Variants in NCOA1 observed in about 807,000 individuals in gnomAD.
NCOA1 encodes the protein nuclear receptor coactivator 1.
NCOA1 carries 35 observed loss-of-function variants against 150.9 expected under a neutral mutation model. That is an observed-to-expected ratio of 0.23 (90% CI 0.18 to 0.31). The LOEUF is 0.31. Ranked by LOEUF, NCOA1 falls within the 10% of genes least tolerant of loss-of-function variation. The pLI, the probability that NCOA1 is intolerant of heterozygous loss-of-function variation, is 1.00. For missense variants in NCOA1, 1,491 were observed against 1,749.3 expected (o/e 0.85, Z 2.63); for synonymous variants, 590 against 630.0 (o/e 0.94, Z 0.95).
intron 1 of NCOA1, among the ~76,000 whole-genome samples, chr2:24,508,305 TAG>T (rs1253365580): frequency 1.3e-5 from 2 of 152,272 alleles, no homozygotes; most frequent in African/African-American, 4.8e-5. Context: ...TGTGAACCTA[TAG>T]TCTTAAGAAT....
intron 3 of NCOA1, among the ~76,000 whole-genome samples, chr2:24,603,470 A>G (rs530787573): frequency 2.0e-5 from 3 of 152,340 alleles, no homozygotes; most frequent in South Asian, 4.1e-4. Context: ...TCTTCTTTCA[A>G]AATTGGAGTT....
intron 19 of NCOA1, among the ~76,000 whole-genome samples, chr2:24,747,327 C>CTTTTTTTTTTTTTTTTTTTTTTTAT (rs148901218): frequency 8.3e-6 from 1 of 120,170 alleles, no homozygotes; most frequent in Non-Finnish European, 1.7e-5. Flanking sequence ...TTATTTTTCT[C>CTTTTTTTTTTTTTTTTTTTTTTTAT]TTTTTTTTTT....
At chr2:24,662,785 A>AT (rs746278666) in intron 5 of NCOA1, among the ~76,000 whole-genome samples, 4,655 of 142,710 alleles carry the variant, frequency 0.033, 80 homozygotes, top group African/African-American at 0.053. Flanking sequence ...GGGCCTGTGC[A>AT]TTTTTTTTTT....
chr2:24,676,390 A>G (rs1221161910), intron 7 of NCOA1: 1 of 152,290 alleles, frequency 6.6e-6, no homozygotes, highest in Non-Finnish European at 1.5e-5. Flanking sequence ...GATGACACAT[A>G]AATTTGTGAA....
chr2:24,699,555 C>CT (rs1243412713), intron 11 of NCOA1, among the ~76,000 whole-genome samples: 1 of 151,984 alleles, frequency 6.6e-6, no homozygotes, highest in Admixed American at 6.6e-5. Context: ...CCTCATTCTA[C>CT]TTTTTTTAGG....
At chr2:24,593,804 C>A (rs1310374496) in intron 3 of NCOA1, among the ~76,000 whole-genome samples, 1 of 152,118 alleles carries the variant, frequency 6.6e-6, no homozygotes, top group Non-Finnish European at 1.5e-5. Context: ...ATGAAGTCTG[C>A]CCTATAAGGC....
At position 24,738,624 on chromosome 2, in the gene NCOA1, A is replaced by G. The variant is rs148841708; in HGVS notation, c.3202-808A>G. Among the ~76,000 whole-genome samples, 3 of 152,316 alleles carry G rather than the reference A, an allele frequency of 2.0e-5. No homozygotes were observed. In the East Asian group the frequency reaches 5.8e-4, roughly 29 times the overall value. On this transcript the variant is annotated intron_variant, in intron 17 of 22. Transcript: ENST00000348332. ...TCATGATAAATAAATTGCATAGTAT[A>G]TCCCTTCTTGGCGATCCACAATGTG...
At chr2:24,497,533 G>A (rs914124243) in intron 1 of NCOA1, among the ~76,000 whole-genome samples, 104 of 152,292 alleles carry the variant, frequency 6.8e-4, no homozygotes, top group African/African-American at 2.3e-3. Flanking sequence ...ATAGCCGGGT[G>A]TGGTGGCGCA....
chr2:24,656,559 A>G (rs1232857080), intron 4 of NCOA1, among the ~76,000 whole-genome samples: 1 of 152,194 alleles, frequency 6.6e-6, no homozygotes, highest in African/African-American at 2.4e-5. Context: ...GAACACTAGA[A>G]CTAATTTCTC....
chr2:24,542,047 T>A (rs1572399875), intron 1 of NCOA1, among the ~76,000 whole-genome samples: 1 of 152,120 alleles, frequency 6.6e-6, no homozygotes, highest in East Asian at 1.9e-4. Flanking sequence ...GAAATAATAC[T>A]AGTGAGTTAA....
At chr2:24,595,246 A>G (rs56322289) in intron 3 of NCOA1, among the ~76,000 whole-genome samples, 6,921 of 152,140 alleles carry the variant, frequency 0.045, 251 homozygotes, top group East Asian at 0.19. Flanking sequence ...TTAAAAATCA[A>G]AAGAATCAGG....
intron 1 of NCOA1, among the ~76,000 whole-genome samples, chr2:24,559,988 A>G (rs1483708227): frequency 6.6e-6 from 1 of 152,092 alleles, no homozygotes; most frequent in African/African-American, 2.4e-5. Flanking sequence ...GTGTTGGAGA[A>G]CAGTTGGGGA....
chr2:24,672,197 A>T (rs573606425), intron 6 of NCOA1, among the ~76,000 whole-genome samples: 6 of 152,282 alleles, frequency 3.9e-5, no homozygotes, highest in African/African-American at 1.4e-4. Context: ...GCTTAAAATG[A>T]TTATGGCAAC....
In NCOA1 at chr2:24,535,488, C is replaced by T. The variant is rs187442545; in HGVS notation, c.-395-28807C>T. Among the ~76,000 whole-genome samples, 4 of 152,290 alleles carry T rather than the reference C, an allele frequency of 2.6e-5. No individual in the cohort carries two copies. In the East Asian group the frequency reaches 7.7e-4, roughly 29 times the overall value. The stretch of plus-strand genomic sequence containing the variant: ...TTATTATGTGTGAATTTGATCCTGT[C>T]ATTATGATGTTAGCTGGTTATTTTG... On this transcript the variant is annotated intron_variant, in intron 1 of 22. Coordinates refer to ENST00000348332, the MANE Select transcript of NCOA1 (RefSeq NM_003743.5).
At chr2:24,624,104 C>T (rs1669295622) in intron 3 of NCOA1, among the ~76,000 whole-genome samples, 1 of 152,128 alleles carries the variant, frequency 6.6e-6, no homozygotes, top group Admixed American at 6.5e-5. Flanking sequence ...GGTGCCTTCT[C>T]ATAAACCGAG....
Position 24,690,651 on chromosome 2 carries a change from C to CAAAAAAAAA in NCOA1, c.533-811_533-803dup, listed in dbSNP as rs70947837. 7.0e-4 allele frequency among the ~76,000 whole-genome samples: 27 copies of CAAAAAAAAA among 38,440 alleles called. 2 individuals are homozygous for CAAAAAAAAA. The South Asian group carries it at 0.014, about 20-fold the overall frequency. The allele number at this position is 38,440 out of a possible 152,430, so 25.2% of individuals were successfully genotyped here. On this transcript the variant is annotated intron_variant, in intron 8 of 22. Coordinates refer to ENST00000348332, the MANE Select transcript of NCOA1 (RefSeq NM_003743.5). ...TGGGTGACAAAGTGAGATTCCATCTCAAAAAAAAAAAAAAAAAAAAAAAAA... is the reference window on the plus strand; with the variant it reads ...TGGGTGACAAAGTGAGATTCCATCTCAAAAAAAAAAAAAAAAAAAAAAAAAAAAAAAAAA...
chr2:24,730,346 C>T (rs1254939781), intron 17 of NCOA1, among the ~76,000 whole-genome samples: 1 of 152,058 alleles, frequency 6.6e-6, no homozygotes, highest in African/African-American at 2.4e-5. Context: ...AATTAGGCTC[C>T]TAATAAAGCA....
At position 24,770,535 on chromosome 2, in the gene NCOA1, C is replaced by T. The variant is rs1490509224; in HGVS notation, c.*2144C>T. The T allele has an allele frequency of 4.6e-6, 1 of 218,028 alleles. No individual in the cohort carries two copies. The highest frequency in any genetic ancestry group is 9.2e-6 in the Non-Finnish European group (1 of 108,334). 13.5% of individuals were successfully genotyped at this position (218,028 alleles called of 1,614,324 possible). On this transcript the variant is annotated 3_prime_UTR_variant, in exon 23 of 23. Coordinates refer to ENST00000348332, the MANE Select transcript of NCOA1 (RefSeq NM_003743.5). ...TTGCTTGCTTCTATGTAATTCCTGTCATTCCACAGGAAATTCACTTTTCCA... is the reference window on the plus strand; with the variant it reads ...TTGCTTGCTTCTATGTAATTCCTGTTATTCCACAGGAAATTCACTTTTCCA...
At position 24,491,514 on chromosome 2, in the gene NCOA1, G is replaced by GGCGGC. The variant is rs1558736980; in HGVS notation, c.-484_-483insGCGGC. ...GCCGGAGAGCCGCGGCGCCGGGCCC[G>GGCGGC]AGGAGCGGCGGAGGCCGGGGCGGCG... On this transcript the variant is annotated 5_prime_UTR_variant, in exon 1 of 23. Transcript: ENST00000348332. Among the ~76,000 whole-genome samples the GGCGGC allele has an allele frequency of 6.8e-6, 1 of 147,076 alleles. No homozygotes were observed. The highest frequency in any genetic ancestry group is 2.4e-5 in the African/African-American group (1 of 40,864).
Sources: allele counts gnomAD v4.1 joint callset (sites outside exome capture counted in the v4.1 genomes callset), GRCh38; gene constraint gnomAD v4.1.1; transcripts MANE v1.5; gene names NCBI Gene and HGNC (gene_info 2026-07-23, HGNC 2026-07-21).